The following SLC9A9 variants were observed in gnomAD, a reference collection of about 807,000 sequenced individuals.
The protein encoded by SLC9A9 is sodium/hydrogen exchanger 9.
In SLC9A9, 62 loss-of-function variants were observed where a neutral mutation model predicts 77.8. The ratio of observed to expected loss-of-function variants is 0.80; its 90% CI spans 0.65 to 0.98. The LOEUF is 0.98. SLC9A9 is among the 50% of genes least tolerant of loss of function. The pLI, the probability that SLC9A9 is intolerant of heterozygous loss-of-function variation, is 0.00. For missense variants in SLC9A9, 775 were observed against 774.9 expected, an observed-to-expected ratio of 1.00 and a Z score of 0.00; for synonymous variants, 320 against 283.5, an observed-to-expected ratio of 1.13 and a Z score of -1.29.
intron 6 of SLC9A9, among the ~76,000 whole-genome samples, chr3:143,640,171 GC>G (rs1432749866): frequency 6.6e-6 from 1 of 151,794 alleles, no homozygotes; most frequent in Non-Finnish European, 1.5e-5. Flanking sequence ...ACAGGCACCG[GC>G]CACCACGCCC....
intron 12 of SLC9A9, among the ~76,000 whole-genome samples, chr3:143,455,890 C>T (rs771647030): frequency 8.6e-5 from 13 of 150,538 alleles, no homozygotes; most frequent in Middle Eastern, 3.2e-3. Flanking sequence ...CTGTATGTAT[C>T]GTCTTTATTT....
At chr3:143,754,785 A>G (rs140366715) in intron 4 of SLC9A9, among the ~76,000 whole-genome samples, 15 of 152,122 alleles carry the variant, frequency 9.9e-5, no homozygotes, top group African/African-American at 3.6e-4. Flanking sequence ...TATCACAGAA[A>G]CTCCTCCAAA....
chr3:143,323,422 A>T (rs1456567712), intron 14 of SLC9A9, among the ~76,000 whole-genome samples: 1 of 152,256 alleles, frequency 6.6e-6, no homozygotes, highest in Non-Finnish European at 1.5e-5. Context: ...TTGCAGCAAC[A>T]TGGATAGAAC....
At chr3:143,364,197 G>A (rs2032833547) in intron 13 of SLC9A9, among the ~76,000 whole-genome samples, 1 of 151,256 alleles carries the variant, frequency 6.6e-6, no homozygotes, top group Non-Finnish European at 1.5e-5. Context: ...TTTGATGGGT[G>A]TTTTTGTGAG....
At chr3:143,681,158 C>A (rs142916604) in intron 5 of SLC9A9, among the ~76,000 whole-genome samples, 8 of 152,300 alleles carry the variant, frequency 5.3e-5, no homozygotes, top group South Asian at 2.1e-4. Flanking sequence ...CTGCACTATT[C>A]TTTGTAGTTC....
chr3:143,720,606 C>A (rs760115213), intron 4 of SLC9A9, among the ~76,000 whole-genome samples: 5 of 152,184 alleles, frequency 3.3e-5, no homozygotes, highest in Non-Finnish European at 7.3e-5. Context: ...TCTCCTAGGC[C>A]TGTGGTGTCC....
At chr3:143,780,074 C>G (rs1335972309) in intron 4 of SLC9A9, among the ~76,000 whole-genome samples, 1 of 152,118 alleles carries the variant, frequency 6.6e-6, no homozygotes, top group African/African-American at 2.4e-5. Flanking sequence ...TCTGTAGAAG[C>G]CTTAAGTTTG....
intron 6 of SLC9A9, among the ~76,000 whole-genome samples, chr3:143,594,974 T>G (rs1216407117): frequency 6.6e-6 from 1 of 152,196 alleles, no homozygotes; most frequent in Non-Finnish European, 1.5e-5. Flanking sequence ...TATTTTTCTA[T>G]CAGAACAGAA....
At chr3:143,762,677 A>T (rs919498304) in intron 4 of SLC9A9, among the ~76,000 whole-genome samples, 2 of 152,184 alleles carry the variant, frequency 1.3e-5, no homozygotes, top group African/African-American at 4.8e-5. Context: ...ACACCTGTGT[A>T]TGAACACAGC....
intron 14 of SLC9A9, among the ~76,000 whole-genome samples, chr3:143,280,162 T>C (rs1938174341): frequency 6.6e-6 from 1 of 151,082 alleles, no homozygotes. Flanking sequence ...GGTCCCTGGG[T>C]GTTCTTGAGG....
intron 2 of SLC9A9, among the ~76,000 whole-genome samples, chr3:143,818,734 G>A (rs1360877684): frequency 1.3e-5 from 2 of 151,994 alleles, no homozygotes; most frequent in Admixed American, 6.6e-5. Flanking sequence ...ACTGGAAGTC[G>A]GCAGCAAATC....
Position 143,540,609 on chromosome 3 carries a change from G to A in SLC9A9, c.1089+11753C>T, listed in dbSNP as rs143726002. Among the ~76,000 whole-genome samples the A allele has an allele frequency of 1.4e-3, 211 of 152,260 alleles. 1 individual carries two copies. Among genetic ancestry groups the A allele is most frequent in the African/African-American group, 4.6e-3 (193 of 41,558 alleles). On this transcript the variant is annotated intron_variant, in intron 9 of 15. Coordinates refer to ENST00000316549, the MANE Select transcript of SLC9A9 (RefSeq NM_173653.4). ...GAAAATGATCAGGATCACGTGTAAAGTTTCATAAATTTAATAAAAGGGGAA... is the reference window on the plus strand; with the variant it reads ...GAAAATGATCAGGATCACGTGTAAAATTTCATAAATTTAATAAAAGGGGAA...
At chr3:143,515,611 A>G (rs555225585) in intron 9 of SLC9A9, among the ~76,000 whole-genome samples, 2 of 152,274 alleles carry the variant, frequency 1.3e-5, no homozygotes, top group South Asian at 4.2e-4. Flanking sequence ...TTAAATTAAT[A>G]TGTCTTGAAT....
intron 14 of SLC9A9, among the ~76,000 whole-genome samples, chr3:143,317,527 T>C (rs867959638): frequency 1.3e-5 from 2 of 152,300 alleles, no homozygotes; most frequent in Non-Finnish European, 2.9e-5. Context: ...AAAGATGAGA[T>C]TTGGTGAATT....
intron 1 of SLC9A9, among the ~76,000 whole-genome samples, chr3:143,846,302 G>A (rs1454791333): frequency 6.6e-6 from 1 of 152,152 alleles, no homozygotes; most frequent in Non-Finnish European, 1.5e-5. Context: ...GGGTAGTTTT[G>A]CTAAAGCACA....
chr3:143,283,177 T>C lies in SLC9A9; in HGVS notation c.1605-14197A>G, dbSNP rs973184310. Among the ~76,000 whole-genome samples, 48 of 152,248 alleles carry C rather than the reference T, an allele frequency of 3.2e-4. 1 individual carries two copies. Among genetic ancestry groups the C allele is most frequent in the African/African-American group, 1.2e-3 (48 of 41,472 alleles). ...AGGGATTTAGGGCTTTATGTTAACA[T>C]ACAAATTCTTCTGGGAAAGGTATTA... On this transcript the variant is annotated intron_variant, in intron 14 of 15. Transcript: ENST00000316549.
At position 143,363,575 on chromosome 3, in the gene SLC9A9, C is replaced by T. The variant is rs1296809164; in HGVS notation, c.1525-12G>A. Reference sequence around the variant, plus strand: ...AAGTTATTTGCTTCCTGGGGAGAAACAATAGAAAAAGGCATTGGGTAAATA... The same window carrying T: ...AAGTTATTTGCTTCCTGGGGAGAAATAATAGAAAAAGGCATTGGGTAAATA... On this transcript the variant is annotated splice_polypyrimidine_tract_variant and intron_variant, in intron 13 of 15. Transcript: ENST00000316549. 6.2e-7 allele frequency: 1 copy of T among 1,610,670 alleles called. No homozygotes were observed. The highest frequency in any genetic ancestry group is 1.1e-5 in the South Asian group (1 of 91,016).
At chr3:143,354,776 C>A (rs2032545467) in intron 14 of SLC9A9, among the ~76,000 whole-genome samples, 1 of 152,186 alleles carries the variant, frequency 6.6e-6, no homozygotes, top group African/African-American at 2.4e-5. Context: ...TTCTCTTTCT[C>A]TTTTTTTCCT....
In SLC9A9 at chr3:143,303,740, A is replaced by G. The variant is rs889497148; in HGVS notation, c.1605-34760T>C. Among the ~76,000 whole-genome samples, 3 of 152,208 alleles carry G rather than the reference A, an allele frequency of 2.0e-5. No individual in the cohort carries two copies. In the East Asian group the frequency reaches 5.8e-4, roughly 29 times the overall value. On this transcript the variant is annotated intron_variant, in intron 14 of 15. Transcript: ENST00000316549. ...AGAACTTGACTCCACCTTGTGCTAA[A>G]CCAGGGTCTCCTTACCTACACTTCA...
Sources: allele counts gnomAD v4.1 joint callset (sites outside exome capture counted in the v4.1 genomes callset), GRCh38; gene constraint gnomAD v4.1.1; transcripts MANE v1.5; gene names NCBI Gene and HGNC (gene_info 2026-07-23, HGNC 2026-07-21).